The following FRMPD4 variants were observed in gnomAD, a reference collection of about 807,000 sequenced individuals.
FRMPD4 encodes FERM and PDZ domain-containing protein 4.
A neutral mutation model predicts 94.1 loss-of-function variants in FRMPD4; 22 were observed. The ratio of observed to expected loss-of-function variants is 0.23; its 90% CI spans 0.17 to 0.33. The LOEUF (loss-of-function observed/expected upper bound fraction) is 0.33, where lower values mean the gene tolerates loss of function less well. Among genes scored for constraint, FRMPD4 ranks in the 10% least tolerant of loss-of-function variants. FRMPD4 has a pLI of 1.00. For missense variants in FRMPD4, 1,111 were observed against 1,339.9 expected, an observed-to-expected ratio of 0.83 and a Z score of 2.67; for synonymous variants, 631 against 548.6, an observed-to-expected ratio of 1.15 and a Z score of -2.10.
chrX:12,127,527 G>A (rs1484947781), intron 3 of FRMPD4, among the ~76,000 whole-genome samples: 1 of 111,735 alleles, frequency 8.9e-6, no homozygotes, highest in Non-Finnish European at 1.9e-5. Flanking sequence ...CACCACAGGT[G>A]GGGATTATGA....
At chrX:12,695,693 G>A (rs1226062206) in intron 9 of FRMPD4, among the ~76,000 whole-genome samples, 2 of 111,647 alleles carry the variant, frequency 1.8e-5, no homozygotes, top group Admixed American at 9.5e-5. Flanking sequence ...GTGAGCCACC[G>A]TGCCCGGCCT....
At chrX:12,485,474 A>G (rs1462096220) in intron 1 of FRMPD4, among the ~76,000 whole-genome samples, 4 of 111,982 alleles carry the variant, frequency 3.6e-5, no homozygotes, top group East Asian at 5.6e-4. Flanking sequence ...CTAAAGAACC[A>G]AAGCCGTAAC....
chrX:12,429,820 G>C (rs183926444), intron 1 of FRMPD4, among the ~76,000 whole-genome samples: 20 of 112,075 alleles, frequency 1.8e-4, no homozygotes, highest in Admixed American at 1.1e-3. Context: ...GGCTGTGAGG[G>C]TTCCTCCCTC....
intron 1 of FRMPD4, among the ~76,000 whole-genome samples, chrX:12,305,117 A>G (rs2054916583): frequency 8.9e-6 from 1 of 112,317 alleles, no homozygotes; most frequent in Admixed American, 9.4e-5. Context: ...AAGTAGCCTC[A>G]GATGCACATT....
chrX:12,696,666 G>C, intron 9 of FRMPD4, among the ~76,000 whole-genome samples: 1 of 102,333 alleles, frequency 9.8e-6, no homozygotes, highest in Non-Finnish European at 2.0e-5. Context: ...ATATATAAAA[G>C]ATATAAAGCA....
chrX:12,152,865 G>T (rs1352316402), intron 1 of FRMPD4, among the ~76,000 whole-genome samples: 1 of 109,649 alleles, frequency 9.1e-6, no homozygotes, highest in African/African-American at 3.3e-5. Flanking sequence ...TCTCTGATGG[G>T]GATATAAACA....
In FRMPD4 at chrX:12,717,757, C is replaced by T. The variant is rs759789728; in HGVS notation, c.2931C>T (p.Thr977=). The change falls in exon 16 of 17, where the codon ACC becomes ACT. Residue 977 remains threonine, a synonymous_variant. Transcript: ENST00000675598. ...SSHALAARPA[T]DLPPKVVPSK... ...ACGCCCTGGCTGCTAGGCCAGCAAC[C>T]GACCTCCCGCCCAAAGTTGTGCCTT... 14 of 1,210,410 alleles carry T rather than the reference C, an allele frequency of 1.2e-5. No individual in the cohort carries two copies. The highest frequency in any genetic ancestry group is 7.0e-5 in the African/African-American group (4 of 57,305).
At chrX:12,140,773 A>G (rs892047515) in intron 1 of FRMPD4, among the ~76,000 whole-genome samples, 18 of 112,380 alleles carry the variant, frequency 1.6e-4, no homozygotes, top group African/African-American at 5.8e-4. Context: ...GGATGCCTAC[A>G]TGATATTCAC....
intron 1 of FRMPD4, among the ~76,000 whole-genome samples, chrX:12,488,652 T>G (rs1366379503): frequency 9.0e-6 from 1 of 110,740 alleles, no homozygotes; most frequent in African/African-American, 3.3e-5. Context: ...TTTCCCTGAG[T>G]GGTGAACTGT....
chrX:12,494,751 T>A (rs570410665), intron 1 of FRMPD4, among the ~76,000 whole-genome samples: 1 of 112,069 alleles, frequency 8.9e-6, no homozygotes, highest in South Asian at 3.8e-4. Flanking sequence ...GTACCATTCA[T>A]AGCTGCTCTC....
intron 1 of FRMPD4, among the ~76,000 whole-genome samples, chrX:12,192,799 T>C (rs1008210599): frequency 3.6e-5 from 4 of 111,602 alleles, no homozygotes; most frequent in African/African-American, 9.8e-5. Context: ...CTGAGATTTG[T>C]ATTTGTAATA....
At chrX:12,617,394 G>A (rs1222582291) in intron 4 of FRMPD4, among the ~76,000 whole-genome samples, 1 of 112,124 alleles carries the variant, frequency 8.9e-6, no homozygotes, top group Non-Finnish European at 1.9e-5. Context: ...TTGAGTAGTT[G>A]CAACAGAAAC....
chrX:12,375,526 G>A (rs2056224478), intron 1 of FRMPD4, among the ~76,000 whole-genome samples: 1 of 112,465 alleles, frequency 8.9e-6, no homozygotes, highest in Non-Finnish European at 1.9e-5. Flanking sequence ...TCCTTCTCAT[G>A]CTTCCAGTCC....
chrX:12,071,915 AC>A (rs2054971825), intron 3 of FRMPD4, among the ~76,000 whole-genome samples: 1 of 111,334 alleles, frequency 9.0e-6, no homozygotes, highest in African/African-American at 3.3e-5. Flanking sequence ...GAAACCTCAA[AC>A]TTCCCTACGT....
intron 2 of FRMPD4, among the ~76,000 whole-genome samples, chrX:12,512,609 A>G (rs1281263706): frequency 4.4e-5 from 5 of 112,370 alleles, no homozygotes; most frequent in African/African-American, 1.6e-4. Flanking sequence ...CATTTTCTTT[A>G]TCCAGTCTAT....
chrX:12,699,791 A>G (rs1217474559), intron 9 of FRMPD4, among the ~76,000 whole-genome samples: 1 of 112,672 alleles, frequency 8.9e-6, no homozygotes, highest in African/African-American at 3.2e-5. Context: ...AATCCCAAAG[A>G]TACAAGGGAA....
intron 3 of FRMPD4, among the ~76,000 whole-genome samples, chrX:11,953,162 A>T (rs1220985320): frequency 8.9e-6 from 1 of 111,923 alleles, no homozygotes; most frequent in Non-Finnish European, 1.9e-5. Flanking sequence ...AATGAATTTG[A>T]CTTACCCTCT....
chrX:12,225,659 T>G (rs1362130332), intron 1 of FRMPD4, among the ~76,000 whole-genome samples: 1 of 112,030 alleles, frequency 8.9e-6, no homozygotes, highest in Non-Finnish European at 1.9e-5. Flanking sequence ...GTTTTGTGGT[T>G]ACAGCTCTAC....
At chrX:12,106,391 A>T (rs2055297987) in intron 3 of FRMPD4, among the ~76,000 whole-genome samples, 1 of 111,818 alleles carries the variant, frequency 8.9e-6, no homozygotes, top group Non-Finnish European at 1.9e-5. Flanking sequence ...CCATATCCAT[A>T]ACTGGGGGAG....
Sources: allele counts gnomAD v4.1 joint callset (sites outside exome capture counted in the v4.1 genomes callset), GRCh38; gene constraint gnomAD v4.1.1; transcripts MANE v1.5; gene names NCBI Gene and HGNC (gene_info 2026-07-23, HGNC 2026-07-21).